Variants in RBMS1 observed in about 807,000 individuals in gnomAD.
RBMS1 encodes the protein RNA binding motif single stranded interacting protein 1.
RBMS1 carries 17 observed loss-of-function variants against 62.3 expected under a neutral mutation model. That is an observed-to-expected ratio of 0.27 (90% CI 0.19 to 0.41). RBMS1 has a LOEUF of 0.41. Ranked by LOEUF, RBMS1 falls within the 10% of genes least tolerant of loss-of-function variation. The probability of loss-of-function intolerance (pLI) is 1.00; values close to 1 mark genes in which losing one functional copy is unlikely to be tolerated. For missense variants in RBMS1, 334 were observed against 504.5 expected, an observed-to-expected ratio of 0.66 and a Z score of 3.24; for synonymous variants, 172 against 170.0, an observed-to-expected ratio of 1.01 and a Z score of -0.09.
chr2:160,434,877 G>A (rs1461474856), intron 1 of RBMS1, among the ~76,000 whole-genome samples: 2 of 152,102 alleles, frequency 1.3e-5, no homozygotes, highest in Non-Finnish European at 2.9e-5. Context: ...AAAGAGCTTG[G>A]ACTACAAATA....
intron 1 of RBMS1, among the ~76,000 whole-genome samples, chr2:160,449,306 C>T (rs996190242): frequency 1.5e-4 from 23 of 152,072 alleles, no homozygotes; most frequent in Non-Finnish European, 2.5e-4. Flanking sequence ...TCTGCCCGGC[C>T]GCCACCCCAT....
intron 6 of RBMS1, among the ~76,000 whole-genome samples, chr2:160,289,875 C>T (rs990757998): frequency 6.6e-6 from 1 of 150,746 alleles, no homozygotes; most frequent in Non-Finnish European, 1.5e-5. Flanking sequence ...GTCCATGTGC[C>T]CTAGGAAAGC....
At position 160,402,416 on chromosome 2, in the gene RBMS1, A is replaced by G. The variant is rs76840112; in HGVS notation, c.76-35025T>C. ...CATGATTTTTTTTATAATGAGTTTT[A>G]AAAAGCGAATTGGATTTCCCTGAGA... On this transcript the variant is annotated intron_variant, in intron 1 of 13. Coordinates refer to ENST00000348849, the MANE Select transcript of RBMS1 (RefSeq NM_016836.4). Among the ~76,000 whole-genome samples the G allele has an allele frequency of 7.9e-3, 1,198 of 152,314 alleles. 12 individuals carry two copies. Among genetic ancestry groups the G allele is most frequent in the African/African-American group, 0.028 (1,155 of 41,552 alleles).
intron 1 of RBMS1, among the ~76,000 whole-genome samples, chr2:160,477,661 T>C (rs1412414037): frequency 6.6e-6 from 1 of 152,192 alleles, no homozygotes; most frequent in Non-Finnish European, 1.5e-5. Context: ...TGAAAGGTAC[T>C]AAAACCAGAA....
At chr2:160,351,253 C>A (rs1399981695) in intron 2 of RBMS1, among the ~76,000 whole-genome samples, 1 of 151,416 alleles carries the variant, frequency 6.6e-6, no homozygotes, top group Non-Finnish European at 1.5e-5. Flanking sequence ...GTGCAGCACA[C>A]AAACATGGCA....
chr2:160,324,780 C>G (rs1359147338), intron 2 of RBMS1, among the ~76,000 whole-genome samples: 1 of 150,566 alleles, frequency 6.6e-6, no homozygotes, highest in East Asian at 2.0e-4. Context: ...AACTTATGAC[C>G]TCGTGAGTTA....
chr2:160,352,176 C>T (rs186478057), intron 2 of RBMS1, among the ~76,000 whole-genome samples: 1 of 152,078 alleles, frequency 6.6e-6, no homozygotes, highest in Admixed American at 6.6e-5. Context: ...AAGAGAAGTT[C>T]TGTTTTTCCC....
chr2:160,442,186 T>C (rs1683436254), intron 1 of RBMS1, among the ~76,000 whole-genome samples: 1 of 152,362 alleles, frequency 6.6e-6, no homozygotes, highest in Admixed American at 6.5e-5. Flanking sequence ...TTGTTTATGA[T>C]CTGTGCTTTT....
At chr2:160,484,015 T>C (rs1685480613) in intron 1 of RBMS1, among the ~76,000 whole-genome samples, 1 of 151,852 alleles carries the variant, frequency 6.6e-6, no homozygotes, top group South Asian at 2.1e-4. Context: ...TTTTTTTTTT[T>C]TTTTTAAGAG....
At position 160,277,344 on chromosome 2, in the gene RBMS1, G is replaced by T. The variant is rs1370122155; in HGVS notation, c.1102C>A (p.Pro368Thr). The part of the protein sequence containing the change: ...ATSAMQGAYL[P>T]QYAHMQTTAV... ...GTCGTCTGCATATGTGCATACTGTG[G>T]CAAGTAGGCTCCTTGCATAGCTGAC... Residue 368 changes from proline to threonine, a missense_variant, in exon 12 of 14, where the codon CCA (proline) becomes ACA (threonine). Transcript: ENST00000348849. The T allele has an allele frequency of 6.2e-7, 1 of 1,613,604 alleles. No homozygotes were observed. The highest frequency in any genetic ancestry group is 1.1e-5 in the South Asian group (1 of 91,066).
At chr2:160,385,603 T>C (rs1264079817) in intron 1 of RBMS1, among the ~76,000 whole-genome samples, 2 of 152,172 alleles carry the variant, frequency 1.3e-5, no homozygotes, top group African/African-American at 4.8e-5. Flanking sequence ...GGCCCCACTT[T>C]AAAATCTCAA....
chr2:160,306,450 C>T (rs370432540), intron 4 of RBMS1, among the ~76,000 whole-genome samples: 8 of 152,100 alleles, frequency 5.3e-5, no homozygotes, highest in African/African-American at 1.4e-4. Context: ...AGTAGACTAA[C>T]GCAGGTAAGT....
At chr2:160,300,350 G>A (rs947704516) in intron 6 of RBMS1, among the ~76,000 whole-genome samples, 13 of 152,208 alleles carry the variant, frequency 8.5e-5, no homozygotes, top group African/African-American at 2.9e-4. Flanking sequence ...ATGATCAAAT[G>A]AAGGGAGGTT....
At chr2:160,393,633 C>T (rs1006340336) in intron 1 of RBMS1, among the ~76,000 whole-genome samples, 6 of 151,936 alleles carry the variant, frequency 3.9e-5, no homozygotes, top group South Asian at 2.1e-4. Flanking sequence ...CAAAATTAGC[C>T]GGGTGTGGTG....
intron 2 of RBMS1, among the ~76,000 whole-genome samples, chr2:160,321,198 C>T (rs1210689351): frequency 6.6e-6 from 1 of 152,100 alleles, no homozygotes; most frequent in African/African-American, 2.4e-5. Context: ...TGAATGCAAG[C>T]CATGCCACAC....
At chr2:160,302,313 G>T (rs1341229662) in intron 5 of RBMS1, among the ~76,000 whole-genome samples, 2 of 151,748 alleles carry the variant, frequency 1.3e-5, no homozygotes, top group East Asian at 3.9e-4. Context: ...TTCTGCCTCA[G>T]CTTCCCCTGC....
At chr2:160,483,306 T>C (rs1378312147) in intron 1 of RBMS1, among the ~76,000 whole-genome samples, 1 of 152,140 alleles carries the variant, frequency 6.6e-6, no homozygotes, top group Non-Finnish European at 1.5e-5. Context: ...AAGAAAAAAA[T>C]GTAAACTGCT....
chr2:160,300,015 G>C (rs1188421027), intron 6 of RBMS1, among the ~76,000 whole-genome samples: 1 of 152,144 alleles, frequency 6.6e-6, no homozygotes, highest in Non-Finnish European at 1.5e-5. Context: ...AAGGGATGGG[G>C]TGCAAGAAAA....
chr2:160,342,768 A>C (rs796145935), intron 2 of RBMS1, among the ~76,000 whole-genome samples: 15 of 69,322 alleles, frequency 2.2e-4, no homozygotes, highest in African/African-American at 6.7e-4. Flanking sequence ...AATACAAAAT[A>C]CAAAAAAAAA....
Sources: allele counts gnomAD v4.1 joint callset (sites outside exome capture counted in the v4.1 genomes callset), GRCh38; gene constraint gnomAD v4.1.1; transcripts MANE v1.5; gene names NCBI Gene and HGNC (gene_info 2026-07-23, HGNC 2026-07-21).